ST6GAL2: variants seen among roughly 807,000 people sequenced by gnomAD.
ST6GAL2 encodes the protein ST6 beta-galactoside alpha-2,6-sialyltransferase 2, also known as beta-galactoside alpha-2,6-sialyltransferase 2.
In ST6GAL2, 24 loss-of-function variants were observed where a neutral mutation model predicts 37.5. That is an observed-to-expected ratio of 0.64 (90% CI 0.46 to 0.90). The LOEUF (loss-of-function observed/expected upper bound fraction) is 0.90. Among genes scored for constraint, ST6GAL2 ranks in the 40% least tolerant of loss-of-function variants. ST6GAL2 has a pLI of 0.00. For synonymous variants in ST6GAL2, 306 were observed against 295.1 expected (o/e 1.04, Z -0.38); for missense variants, 715 against 712.7 (o/e 1.00, Z -0.04).
intron 1 of ST6GAL2, 110 bp downstream of exon 1, chr2:106,885,983 C>A (rs1391663453): frequency 6.6e-6 from 1 of 152,326 alleles, no homozygotes; most frequent in Non-Finnish European, 1.5e-5. Context: ...ACATTCCCCA[C>A]ACACGGGTCT....
chr2:106,853,219 A>T lies in ST6GAL2; in HGVS notation c.-57-9185T>A, dbSNP rs369179221. Among the ~76,000 whole-genome samples, 8 of 152,362 alleles carry T rather than the reference A, an allele frequency of 5.3e-5. No homozygotes were observed. The South Asian group carries it at 1.7e-3, about 32-fold the overall frequency. The stretch of plus-strand genomic sequence containing the variant: ...GTATCTTTGTTTGCTGGAGTAAATG[A>T]TGTTCCCAGTTAGGCTTTACAATCC... On this transcript the variant is annotated intron_variant, in intron 1 of 5. Coordinates refer to ENST00000409382, the MANE Select transcript of ST6GAL2 (RefSeq NM_001142351.2).
Position 106,843,552 on chromosome 2 carries a change from G to A in ST6GAL2, c.426C>T (p.Ser142=). ...FFAAGQPGWH[S]HTQGTLGFPS... is the part of the protein sequence containing the mutation. ...GGAATCCCAATGTCCCCTGAGTGTG[G>A]CTGTGCCACCCTGGCTGACCAGCAG... Residue 142 remains serine (S), a synonymous_variant, in exon 2 of 6, where the codon AGC becomes AGT. Coordinates refer to ENST00000409382, the MANE Select transcript of ST6GAL2 (RefSeq NM_001142351.2). 6.2e-7 allele frequency: 1 copy of A among 1,614,024 alleles called. No individual in the cohort carries two copies. Among genetic ancestry groups the A allele is most frequent in the East Asian group, 2.2e-5 (1 of 44,866 alleles).
At position 106,802,493 on chromosome 2, in the gene ST6GAL2, T is replaced by C. The variant is rs1234148443; in HGVS notation, c.*4185A>G. 1 of 152,178 alleles carries C rather than the reference T, an allele frequency of 6.6e-6. No homozygotes were observed. Among genetic ancestry groups the C allele is most frequent in the Non-Finnish European group, 1.5e-5 (1 of 68,030 alleles). 9.4% of individuals were successfully genotyped at this position (152,178 alleles called of 1,614,324 possible). A position where few individuals can be genotyped will look rare whatever the true frequency, so the allele number is the denominator to read the frequency against. On this transcript the variant is annotated 3_prime_UTR_variant, in exon 6 of 6. Coordinates refer to ENST00000409382, the MANE Select transcript of ST6GAL2 (RefSeq NM_001142351.2). ...TCATTCATTTAATAAAACAAGAACT[T>C]ACATTTTATTTCCTTGAACGGACAG... is the stretch of plus-strand genomic sequence containing the variant.
At chr2:106,835,966 A>AG (rs1485574333) in intron 2 of ST6GAL2, among the ~76,000 whole-genome samples, 62 of 152,358 alleles carry the variant, frequency 4.1e-4, no homozygotes, top group African/African-American at 1.5e-3. Flanking sequence ...TATTTGAGGT[A>AG]GAAAAACTAG....
intron 5 of ST6GAL2, among the ~76,000 whole-genome samples, chr2:106,818,411 GA>G (rs772812621): frequency 6.6e-6 from 1 of 152,198 alleles, no homozygotes; most frequent in Non-Finnish European, 1.5e-5. Context: ...TGAGGGAAGA[GA>G]ACAAGTCTCT....
At chr2:106,875,441 G>T (rs1309968693) in intron 1 of ST6GAL2, among the ~76,000 whole-genome samples, 2 of 152,118 alleles carry the variant, frequency 1.3e-5, no homozygotes, top group African/African-American at 4.8e-5. Context: ...TCCTCCCAAA[G>T]TGCTGGGATT....
At chr2:106,876,973 G>C (rs1417079653) in intron 1 of ST6GAL2, among the ~76,000 whole-genome samples, 2 of 152,054 alleles carry the variant, frequency 1.3e-5, no homozygotes, top group Non-Finnish European at 2.9e-5. Context: ...GGACTCCAAA[G>C]AGTCTATTTA....
chr2:106,824,088 GA>G (rs1244650658), intron 5 of ST6GAL2, among the ~76,000 whole-genome samples: 1 of 152,138 alleles, frequency 6.6e-6, no homozygotes, highest in Non-Finnish European at 1.5e-5. Flanking sequence ...ATGACAGTTG[GA>G]ACTTTGCTTG....
In ST6GAL2 at chr2:106,802,714, A is replaced by G. The variant is rs924170983; in HGVS notation, c.*3964T>C. Reference sequence around the variant, plus strand: ...GGGTAAGAGTTCTAAACTATCAGAAAGAGTTCTAAACTATCAGAATCAAAA... The same window carrying G: ...GGGTAAGAGTTCTAAACTATCAGAAGGAGTTCTAAACTATCAGAATCAAAA... On this transcript the variant is annotated 3_prime_UTR_variant, in exon 6 of 6. Transcript: ENST00000409382. 7 of 150,598 alleles carry G rather than the reference A, an allele frequency of 4.6e-5. No individual in the cohort carries two copies. In the South Asian group the frequency reaches 1.5e-3, roughly 31 times the overall value. 9.3% of individuals were successfully genotyped at this position (150,598 alleles called of 1,614,324 possible).
At position 106,844,477 on chromosome 2, in the gene ST6GAL2, G is replaced by A. The variant is rs536111192; in HGVS notation, c.-57-443C>T. ...CCTTTTGTCTGCCTATCAGACCACCGAAAGCTCAGAGCTCATAGATTTTAC... is the reference window on the plus strand; with the variant it reads ...CCTTTTGTCTGCCTATCAGACCACCAAAAGCTCAGAGCTCATAGATTTTAC... On this transcript the variant is annotated intron_variant, in intron 1 of 5. Coordinates refer to ENST00000409382, the MANE Select transcript of ST6GAL2 (RefSeq NM_001142351.2). 1.5e-3 allele frequency among the ~76,000 whole-genome samples: 225 copies of A among 152,176 alleles called. 2 individuals are homozygous for A. The highest frequency in any genetic ancestry group is 1.2e-3 in the Admixed American group (19 of 15,290).
chr2:106,821,178 A>G (rs1675988405), intron 5 of ST6GAL2, among the ~76,000 whole-genome samples: 1 of 151,860 alleles, frequency 6.6e-6, no homozygotes, highest in Non-Finnish European at 1.5e-5. Flanking sequence ...AGAAAATGAT[A>G]CAAAGGTCAA....
At chr2:106,823,442 A>AC (rs1676078199) in intron 5 of ST6GAL2, among the ~76,000 whole-genome samples, 2 of 101,510 alleles carry the variant, frequency 2.0e-5, no homozygotes, top group East Asian at 2.4e-4. Context: ...CCCAGCAGAA[A>AC]ACACACACAC....
At chr2:106,864,957 T>C (rs924560524) in intron 1 of ST6GAL2, among the ~76,000 whole-genome samples, 4 of 152,126 alleles carry the variant, frequency 2.6e-5, no homozygotes, top group Admixed American at 2.0e-4. Context: ...AGAACCCTGA[T>C]TGTTAGTGTT....
chr2:106,819,624 A>C (rs745817921), intron 5 of ST6GAL2, among the ~76,000 whole-genome samples: 3 of 152,136 alleles, frequency 2.0e-5, no homozygotes, highest in Non-Finnish European at 2.9e-5. Context: ...GGAATTCTTC[A>C]ATCTGAAAGA....
At chr2:106,828,741 T>C (rs142310081) in intron 5 of ST6GAL2, among the ~76,000 whole-genome samples, 2 of 152,142 alleles carry the variant, frequency 1.3e-5, no homozygotes, top group Non-Finnish European at 2.9e-5. Context: ...AAGAGAACAT[T>C]ACAGTTCTTT....
chr2:106,843,884 C>A lies in ST6GAL2; in HGVS notation c.94G>T (p.Asp32Tyr). 1.2e-6 allele frequency: 2 copies of A among 1,607,604 alleles called. No homozygotes were observed. The highest frequency in any genetic ancestry group is 1.7e-6 in the Non-Finnish European group (2 of 1,179,306). Residue 32 changes from aspartate (D) to tyrosine (Y), a missense_variant, in exon 2 of 6, where the codon GAC (aspartate) becomes TAC (tyrosine). Physicochemically the swap from Asp to Tyr is radical, Grantham distance 160 (BLOSUM62 -3). Transcript: ENST00000409382. Reference protein sequence around the residue: ...LFLLIFIYFTDSNPAEPVPSS... With the variant: ...LFLLIFIYFTYSNPAEPVPSS... ...GGTACAGGCTCAGCGGGGTTGCTGT[C>A]GGTGAAGTAGATGAAAATCAGCAAA...
At chr2:106,876,714 G>C (rs1678516402) in intron 1 of ST6GAL2, among the ~76,000 whole-genome samples, 1 of 152,144 alleles carries the variant, frequency 6.6e-6, no homozygotes, top group Admixed American at 6.5e-5. Flanking sequence ...CAAACCATAC[G>C]CATGCTCTGT....
intron 2 of ST6GAL2, among the ~76,000 whole-genome samples, chr2:106,835,675 G>A (rs1354357947): frequency 6.6e-6 from 1 of 152,144 alleles, no homozygotes; most frequent in Non-Finnish European, 1.5e-5. Flanking sequence ...CACACTCACT[G>A]TACATGCTGT....
At chr2:106,880,821 T>A (rs1678719826) in intron 1 of ST6GAL2, among the ~76,000 whole-genome samples, 1 of 152,146 alleles carries the variant, frequency 6.6e-6, no homozygotes, top group East Asian at 1.9e-4. Flanking sequence ...TGCTGAAGTA[T>A]CCTAATTCAA....
Sources: gnomAD v4.1 joint callset for allele counts (sites outside exome capture counted in the v4.1 genomes callset) on GRCh38, gnomAD v4.1.1 for gene constraint, MANE v1.5 for transcripts, NCBI Gene and HGNC (gene_info 2026-07-23, HGNC 2026-07-21) for gene names.